Variants in SLC13A3 observed in about 807,000 individuals in gnomAD.
The protein encoded by SLC13A3 is solute carrier family 13 member 3, also known as Na(+)/dicarboxylate cotransporter 3.
A neutral mutation model predicts 59.0 loss-of-function variants in SLC13A3; 40 were observed. That is an observed-to-expected ratio of 0.68 (90% CI 0.53 to 0.88). The LOEUF is 0.88. Ranked by LOEUF, SLC13A3 falls within the 40% of genes least tolerant of loss-of-function variation. SLC13A3 has a pLI of 0.00. For missense variants in SLC13A3, 699 were observed against 783.2 expected (o/e 0.89, Z 1.28); for synonymous variants, 317 against 330.3 (o/e 0.96, Z 0.44).
chr20:46,569,811 C>T (rs2062014431), intron 10 of SLC13A3, among the ~76,000 whole-genome samples: 1 of 152,150 alleles, frequency 6.6e-6, no homozygotes, highest in Admixed American at 6.6e-5. Flanking sequence ...TGATGTTTCC[C>T]TCTTCCTCCT....
At chr20:46,651,504 G>A (rs1182974257), upstream of SLC13A3, 3 of 1,348,018 alleles carry the variant, frequency 2.2e-6, no homozygotes, top group Non-Finnish European at 1.9e-6. Flanking sequence ...GGGGAGGGTC[G>A]GGGAGGGGAC....
chr20:46,657,195 G>A (rs1182196240), intron 1 of SLC13A3, among the ~76,000 whole-genome samples: 2 of 152,054 alleles, frequency 1.3e-5, no homozygotes, highest in African/African-American at 4.8e-5. Flanking sequence ...AGAGCACTGA[G>A]CTTGTAAGAT....
chr20:46,666,993 G>T (rs887811601), intron 1 of SLC13A3, among the ~76,000 whole-genome samples: 11 of 152,050 alleles, frequency 7.2e-5, no homozygotes, highest in Non-Finnish European at 1.6e-4. Context: ...GAGACTACGA[G>T]ATAGCAAGAG....
At position 46,560,099 on chromosome 20, in the gene SLC13A3, C is replaced by G. The variant is rs760989564; in HGVS notation, c.1732G>C (p.Asp578His). The G allele has an allele frequency of 1.3e-5, 21 of 1,613,994 alleles. No individual in the cohort carries two copies. The highest frequency in any genetic ancestry group is 1.7e-5 in the Non-Finnish European group (20 of 1,180,038). The change falls in exon 13 of 13, where the codon GAC becomes CAC. Residue 578 changes from aspartate to histidine, a missense_variant. Coordinates refer to ENST00000279027, the MANE Select transcript of SLC13A3 (RefSeq NM_022829.6). ...QTIFQLGTFP[D>H]WADMYSVNVT... ...TTGACCGAGTACATATCAGCCCAGT[C>G]CGGGAAGGTGCCCAGCTGGAAGATG...
chr20:46,632,898 TAGATAGATAG>T (rs1568947526), intron 1 of SLC13A3, among the ~76,000 whole-genome samples: 2 of 73,534 alleles, frequency 2.7e-5, no homozygotes, highest in Non-Finnish European at 5.7e-5. Context: ...GATAGATAGA[TAGATAGATAG>T]ATATATCTAT....
chr20:46,573,749 C>T (rs186237456), intron 10 of SLC13A3, among the ~76,000 whole-genome samples: 4 of 152,328 alleles, frequency 2.6e-5, no homozygotes, highest in East Asian at 1.9e-4. Flanking sequence ...ACCTGCCTGA[C>T]GTGTCCCAGC....
chr20:46,598,952 C>G (rs942587798), intron 4 of SLC13A3, among the ~76,000 whole-genome samples: 1 of 152,168 alleles, frequency 6.6e-6, no homozygotes, highest in African/African-American at 2.4e-5. Context: ...CATGGATTCC[C>G]CCACCACTCC....
chr20:46,586,500 T>C (rs1297357559), intron 8 of SLC13A3, among the ~76,000 whole-genome samples: 1 of 152,208 alleles, frequency 6.6e-6, no homozygotes, highest in Non-Finnish European at 1.5e-5. Context: ...CCCAAATTTA[T>C]ACAATGACTC....
intron 1 of SLC13A3, among the ~76,000 whole-genome samples, chr20:46,616,517 G>T (rs2062556222): frequency 6.6e-6 from 1 of 152,200 alleles, no homozygotes; most frequent in Admixed American, 6.5e-5. Flanking sequence ...TCAGCAGGTG[G>T]ATGTCAGAGC....
At chr20:46,670,463 G>T (rs117783750), upstream of SLC13A3, among the ~76,000 whole-genome samples, 627 of 152,254 alleles carry the variant, frequency 4.1e-3, 2 homozygotes, top group Non-Finnish European at 6.2e-3. Flanking sequence ...ACTTGCTTTG[G>T]CCAATGGGAC....
At chr20:46,586,722 C>T (rs1216797333) in intron 8 of SLC13A3, among the ~76,000 whole-genome samples, 5 of 152,154 alleles carry the variant, frequency 3.3e-5, no homozygotes, top group Admixed American at 3.3e-4. Context: ...GCACAAGTCC[C>T]ACATTTAACT....
chr20:46,568,005 C>G (rs1159713012), intron 10 of SLC13A3, among the ~76,000 whole-genome samples: 7 of 152,088 alleles, frequency 4.6e-5, no homozygotes, highest in Middle Eastern at 3.2e-3. Flanking sequence ...TTTTATCAAT[C>G]CAGTATACCA....
rs116995286 is a variant in SLC13A3, at chr20:46,571,777, G to T, written c.1332+3796C>A. On this transcript the variant is annotated intron_variant, in intron 10 of 12. Transcript: ENST00000279027. ...ACTGGGGTGGGAGGCTATTCTAGAT[G>T]TGGGGGCTTGGGAGGGCATTTCTGA... Among the ~76,000 whole-genome samples, 246 of 152,208 alleles carry T rather than the reference G, an allele frequency of 1.6e-3. 1 individual carries two copies. The East Asian group carries it at 0.044, about 27-fold the overall frequency.
At chr20:46,649,259 T>C (rs776317684) in intron 1 of SLC13A3, among the ~76,000 whole-genome samples, 15 of 152,156 alleles carry the variant, frequency 9.9e-5, no homozygotes, top group Non-Finnish European at 2.9e-5. Context: ...CTCCCTGCTT[T>C]CCATTCAGTT....
Position 46,558,691 on chromosome 20 carries a change from C to T in SLC13A3, c.*1331G>A, listed in dbSNP as rs867186893. On this transcript the variant is annotated 3_prime_UTR_variant, in exon 13 of 13. Transcript: ENST00000279027. ...TGCCCATGATTCACTTATGCTGTAT[C>T]AACAACAAGTGCAGCTGGGCGCTGC... 72 of 152,190 alleles carry T rather than the reference C, an allele frequency of 4.7e-4. No homozygotes were observed. The highest frequency in any genetic ancestry group is 1.7e-3 in the African/African-American group (72 of 41,450). The allele number at this position is 152,190 out of a possible 1,614,324, so 9.4% of individuals were successfully genotyped here. A position where few individuals can be genotyped will look rare whatever the true frequency, so the allele number is the denominator to read the frequency against.
rs145976428 is a variant in SLC13A3, at chr20:46,663,844, A to G, written c.-31+6199T>C. On this transcript the variant is annotated intron_variant, in intron 1 of 12. Transcript: ENST00000290317. ...CACTACACTGTAATAACTCTAGTAT[A>G]GGTGTTTATTAGATCTGGGCAATAT... Among the ~76,000 whole-genome samples, 76 of 152,308 alleles carry G rather than the reference A, an allele frequency of 5.0e-4. 2 individuals carry two copies. In the East Asian group the frequency reaches 0.014, roughly 29 times the overall value.
At chr20:46,631,265 A>G (rs2062733302) in intron 1 of SLC13A3, among the ~76,000 whole-genome samples, 1 of 152,160 alleles carries the variant, frequency 6.6e-6, no homozygotes, top group African/African-American at 2.4e-5. Context: ...GCCCCCTACA[A>G]TAAAGAATTA....
intron 1 of SLC13A3, chr20:46,682,495 T>G (rs2063158342): frequency 6.6e-6 from 1 of 151,698 alleles, no homozygotes; most frequent in African/African-American, 2.4e-5. Context: ...CAAAAGCACT[T>G]TTAAATGTTC....
At chr20:46,604,815 G>A (rs1205990988) in intron 3 of SLC13A3, among the ~76,000 whole-genome samples, 1 of 152,222 alleles carries the variant, frequency 6.6e-6, no homozygotes, top group Non-Finnish European at 1.5e-5. Flanking sequence ...GAAGTAGGAA[G>A]CGAGGGACTA....
Sources: gnomAD v4.1 joint callset for allele counts (sites outside exome capture counted in the v4.1 genomes callset) on GRCh38, gnomAD v4.1.1 for gene constraint, MANE v1.5 for transcripts, NCBI Gene and HGNC (gene_info 2026-07-23, HGNC 2026-07-21) for gene names.